CHD1L: variants seen among roughly 807,000 people sequenced by gnomAD.
CHD1L encodes the protein chromodomain helicase DNA binding protein 1 like, also known as ATP-dependent chromatin remodeler CHD1L.
Under a neutral mutation model 115.9 loss-of-function variants are expected in CHD1L, and 118 were observed. The observed-to-expected ratio is 1.02, with a 90% CI of 0.88 to 1.19. CHD1L has a LOEUF of 1.19. CHD1L is among the 50% of genes most tolerant of loss of function. The pLI is 0.00. For missense variants in CHD1L, 1,179 were observed against 1,065.3 expected (o/e 1.11, Z -1.49); for synonymous variants, 411 against 387.1 (o/e 1.06, Z -0.72).
At chr1:147,282,080 C>A (rs1553962318) in intron 15 of CHD1L, among the ~76,000 whole-genome samples, 2 of 152,020 alleles carry the variant, frequency 1.3e-5, no homozygotes, top group Non-Finnish European at 2.9e-5. Flanking sequence ...CGATAGTTTC[C>A]CCAACCGTCT....
chr1:147,178,237 A>C, the CHD1L span: 1 of 1,613,632 alleles, frequency 6.2e-7, no homozygotes, highest in East Asian at 2.2e-5. Context: ...CATCTCCGAC[A>C]CGGGCTCTGC....
At chr1:147,266,584 G>A (rs587594483) in intron 8 of CHD1L, among the ~76,000 whole-genome samples, 23 of 152,318 alleles carry the variant, frequency 1.5e-4, no homozygotes, top group African/African-American at 4.3e-4. Flanking sequence ...TATCCACGCC[G>A]TCAGCGTTAG....
Position 147,294,439 on chromosome 1 carries a change from C to A in CHD1L, c.2537C>A (p.Ala846Asp), listed in dbSNP as rs868984459. The change falls in exon 22 of 23, where the codon GCC becomes GAC. Residue 846 changes from alanine to aspartate, a missense_variant. Physicochemically the swap from Ala to Asp is moderately radical, Grantham distance 126 (BLOSUM62 -2). Coordinates refer to ENST00000369258, the MANE Select transcript of CHD1L (RefSeq NM_004284.6). ...ASVHLPRIGH[A>D]TKGFNWYGTE... ...GTTCATCTTCCACGTATTGGACATG[C>A]CACGAAAGGTTTTAACTGGTATGGT... is the stretch of plus-strand genomic sequence containing the variant. 1 of 1,612,148 alleles carries A rather than the reference C, an allele frequency of 6.2e-7. No individual in the cohort carries two copies. The highest frequency in any genetic ancestry group is 8.5e-7 in the Non-Finnish European group (1 of 1,179,128).
chr1:147,218,588 C>G, the CHD1L span, among the ~76,000 whole-genome samples: 3 of 152,150 alleles, frequency 2.0e-5, no homozygotes, highest in Admixed American at 1.3e-4. Flanking sequence ...CTGATAAATA[C>G]AAAGTAGATC....
chr1:147,295,204 A>G (rs1553975742), intron 22 of CHD1L, among the ~76,000 whole-genome samples: 1 of 152,242 alleles, frequency 6.6e-6, no homozygotes, highest in Non-Finnish European at 1.5e-5. Flanking sequence ...AACTTAGAGA[A>G]GCCAGCTTTT....
chr1:147,262,882 T>A (rs1672463035), intron 6 of CHD1L, among the ~76,000 whole-genome samples: 3 of 152,142 alleles, frequency 2.0e-5, no homozygotes, highest in African/African-American at 7.2e-5. Flanking sequence ...GTAATCCTAC[T>A]CCTACATTAA....
Position 147,276,342 on chromosome 1 carries a change from ACCCTCTCC to A in CHD1L, c.1539+88_1539+95del. 69 of 970,376 alleles carry A rather than the reference ACCCTCTCC, an allele frequency of 7.1e-5. 1 individual carries two copies. Among genetic ancestry groups the A allele is most frequent in the Admixed American group, 1.5e-4 (5 of 32,964 alleles). 60.1% of individuals were successfully genotyped at this position (970,376 alleles called of 1,614,324 possible). A position where few individuals can be genotyped will look rare whatever the true frequency, so the allele number is the denominator to read the frequency against. Reference sequence around the variant, plus strand: ...ATGTAAATGAAAAGAACCAGCACTCACCCTCTCCCCAGCTACACATTTGTTCCTTGGCC... The same window carrying A: ...ATGTAAATGAAAAGAACCAGCACTCACCAGCTACACATTTGTTCCTTGGCC... On this transcript the variant is annotated intron_variant, in intron 14 of 22. Transcript: ENST00000369258.
the CHD1L span, among the ~76,000 whole-genome samples, chr1:147,195,121 T>C: frequency 1.3e-5 from 2 of 152,120 alleles, no homozygotes; most frequent in African/African-American, 4.8e-5. Context: ...TTGGTTCCAT[T>C]CTCCCCGTCA....
chr1:147,262,113 G>A (rs7526114), intron 6 of CHD1L, among the ~76,000 whole-genome samples: 2,116 of 149,382 alleles, frequency 0.014, 41 homozygotes, highest in African/African-American at 0.05. Context: ...GGAGAATGGC[G>A]TAAACCTGAG....
chr1:147,286,201 C>CTTGGCAGATA lies in CHD1L; in HGVS notation c.2019-93_2019-84dup. 3 of 1,178,354 alleles carry CTTGGCAGATA rather than the reference C, an allele frequency of 2.5e-6. No homozygotes were observed. In the South Asian group the frequency reaches 4.6e-5, roughly 18 times the overall value. The allele number at this position is 1,178,354 out of a possible 1,614,324, so 73.0% of individuals were successfully genotyped here. Reference sequence around the variant, plus strand: ...GGGTGAGTTTCTAATTGCATTTCTACTTGGCAGATATTGTTTGTGAACAGC... The same window carrying CTTGGCAGATA: ...GGGTGAGTTTCTAATTGCATTTCTACTTGGCAGATATTGGCAGATATTGTTTGTGAACAGC... On this transcript the variant is annotated intron_variant, in intron 17 of 22. Coordinates refer to ENST00000369258, the MANE Select transcript of CHD1L (RefSeq NM_004284.6).
In CHD1L at chr1:147,242,699, G is replaced by T. The variant is rs1420787416; in HGVS notation, c.-5G>T. 7.9e-7 allele frequency: 1 copy of T among 1,260,646 alleles called. No individual in the cohort carries two copies. 78.1% of individuals were successfully genotyped at this position (1,260,646 alleles called of 1,614,324 possible). On this transcript the variant is annotated 5_prime_UTR_variant, in exon 1 of 23. Transcript: ENST00000369258. ...GCCGCGCGGGGCGGGGCCTCTACCG[G>T]CCCGATGGAGCGCGCGGGCGCTACT...
intron 1 of CHD1L, among the ~76,000 whole-genome samples, chr1:147,249,404 ATT>A (rs59773572): frequency 1.1e-5 from 1 of 94,174 alleles, no homozygotes; most frequent in Admixed American, 1.6e-4. Flanking sequence ...CTTGGTGTGT[ATT>A]TTTTTTTTTT....
rs141548764 is a variant in CHD1L, at chr1:147,286,406, C to G, written c.2127C>G (p.Tyr709Ter). ...AAGAGAGCTCTGCTGAGCTGGATTACCAAGACCCAGATGCTACTTCCCTCA... is the reference window on the plus strand; with the variant it reads ...AAGAGAGCTCTGCTGAGCTGGATTAGCAAGACCCAGATGCTACTTCCCTCA... ...NGEESSAELD[Y>*]QDPDATSLKY... Residue 709 changes from tyrosine (Y) to a stop codon, truncating the protein, a stop_gained, in exon 18 of 23, where the codon TAC (tyrosine) becomes TAG (stop). Transcript: ENST00000369258. LOFTEE classifies it high-confidence loss of function. 1 of 1,614,154 alleles carries G rather than the reference C, an allele frequency of 6.2e-7. No homozygotes were observed. Among genetic ancestry groups the G allele is most frequent in the South Asian group, 1.1e-5 (1 of 91,084 alleles).
intron 1 of CHD1L, among the ~76,000 whole-genome samples, chr1:147,248,432 T>C (rs111602294): frequency 0.017 from 2,625 of 152,200 alleles, 78 homozygotes; most frequent in African/African-American, 0.06. Context: ...GGTCTTGAAC[T>C]CCCTACCTCA....
chr1:147,239,215 G>C (rs1553930305), upstream of CHD1L, among the ~76,000 whole-genome samples: 1 of 151,976 alleles, frequency 6.6e-6, no homozygotes, highest in African/African-American at 2.4e-5. Context: ...CTAAACCAAA[G>C]TATAAAAGAA....
intron 14 of CHD1L, among the ~76,000 whole-genome samples, chr1:147,278,381 C>T (rs587743068): frequency 2.6e-5 from 4 of 151,650 alleles, no homozygotes; most frequent in South Asian, 2.1e-4. Context: ...CGCACCACCA[C>T]GCCTAGCTAA....
intron 19 of CHD1L, 48 bp downstream of exon 19, chr1:147,287,781 G>A (rs1683818130): frequency 6.7e-7 from 1 of 1,491,454 alleles, no homozygotes; most frequent in Non-Finnish European, 9.3e-7. Flanking sequence ...TAAGAGAGAA[G>A]AGGACACCTA....
chr1:147,203,411 T>C, the CHD1L span: 9 of 915,400 alleles, frequency 9.8e-6, no homozygotes, highest in Non-Finnish European at 1.5e-5. Context: ...GACCAGTGTT[T>C]TCCCAGGTAA....
intron 1 of CHD1L, among the ~76,000 whole-genome samples, chr1:147,249,890 A>G (rs1667868283): frequency 6.6e-6 from 1 of 151,788 alleles, no homozygotes; most frequent in African/African-American, 2.4e-5. Flanking sequence ...CCGGAGGGTC[A>G]TTTGTTTTCA....
Sources: allele counts gnomAD v4.1 joint callset (sites outside exome capture counted in the v4.1 genomes callset), GRCh38; gene constraint gnomAD v4.1.1; transcripts MANE v1.5; gene names NCBI Gene and HGNC (gene_info 2026-07-23, HGNC 2026-07-21).